The following AGBL1 variants were observed in gnomAD, a reference collection of about 807,000 sequenced individuals.
AGBL1 encodes cytosolic carboxypeptidase 4.
Under a neutral mutation model 118.9 loss-of-function variants are expected in AGBL1, and 130 were observed. The observed-to-expected ratio is 1.09, with a 90% CI of 0.95 to 1.26. The LOEUF (loss-of-function observed/expected upper bound fraction) is 1.26, where lower values mean the gene tolerates loss of function less well. AGBL1 is among the 50% of genes most tolerant of loss of function. AGBL1 has a pLI of 0.00. For missense variants in AGBL1, 1,584 were observed against 1,298.1 expected, an observed-to-expected ratio of 1.22 and a Z score of -3.38; for synonymous variants, 555 against 478.9, an observed-to-expected ratio of 1.16 and a Z score of -2.08.
At chr15:86,257,836 G>A (rs1459470043) in intron 8 of AGBL1, 128 bp from the exon 9 acceptor site, 12 of 824,690 alleles carry the variant, frequency 1.5e-5, no homozygotes, top group South Asian at 5.1e-5. Context: ...GTGGGATATT[G>A]TGCAATTAAT....
intron 19 of AGBL1, among the ~76,000 whole-genome samples, chr15:86,524,220 G>A (rs1170531743): frequency 6.6e-6 from 1 of 152,160 alleles, no homozygotes; most frequent in Non-Finnish European, 1.5e-5. Flanking sequence ...TTTCTACCCT[G>A]CAACATAGCC....
intron 21 of AGBL1, among the ~76,000 whole-genome samples, chr15:86,617,188 A>G (rs1389305022): frequency 6.6e-6 from 1 of 152,170 alleles, no homozygotes; most frequent in Non-Finnish European, 1.5e-5. Flanking sequence ...TACACAATTT[A>G]TTGACCCTTT....
chr15:86,101,631 CTT>C lies in AGBL1; in HGVS notation c.51+21622_51+21623del, dbSNP rs563450139. ...TTTATCATTGTGTAATGACATTTGT[CTT>C]TTTTTTTTTTTTTAGTTTTTGACTT... On this transcript the variant is annotated intron_variant, in intron 1 of 22. Coordinates refer to ENST00000614907, the MANE Select transcript of AGBL1 (RefSeq NM_001386094.1). Among the ~76,000 whole-genome samples the C allele has an allele frequency of 2.6e-3, 344 of 131,636 alleles. 15 individuals are homozygous for C. The South Asian group carries it at 0.077, about 30-fold the overall frequency. 86.4% of individuals were successfully genotyped at this position (131,636 alleles called of 152,430 possible).
At position 86,480,786 on chromosome 15, in the gene AGBL1, A is replaced by G. The variant is rs573769903; in HGVS notation, c.2556-42024A>G. 2.8e-3 allele frequency among the ~76,000 whole-genome samples: 420 copies of G among 152,126 alleles called. 3 individuals are homozygous for G. The highest frequency in any genetic ancestry group is 9.7e-3 in the African/African-American group (403 of 41,534). ...CTCTGAGGCTAGGCAGGATTTTAAGAGATGGAGATTATAAGGCCATAGGAA... is the reference window on the plus strand; with the variant it reads ...CTCTGAGGCTAGGCAGGATTTTAAGGGATGGAGATTATAAGGCCATAGGAA... On this transcript the variant is annotated intron_variant, in intron 18 of 22. Coordinates refer to ENST00000614907, the MANE Select transcript of AGBL1 (RefSeq NM_001386094.1).
At chr15:86,459,968 A>G (rs896423942) in intron 18 of AGBL1, among the ~76,000 whole-genome samples, 3 of 152,122 alleles carry the variant, frequency 2.0e-5, no homozygotes, top group African/African-American at 7.2e-5. Flanking sequence ...TTTAGGATCA[A>G]GGCTTGAGCA....
Position 86,356,909 on chromosome 15 carries a change from A to G in AGBL1, c.2375-40457A>G, listed in dbSNP as rs567111212. ...TGTCCAACATTACACAGTAAGCAAC[A>G]TACGTACCAATTGATGCAAATACTC... On this transcript the variant is annotated intron_variant, in intron 17 of 22. Transcript: ENST00000614907. Among the ~76,000 whole-genome samples the G allele has an allele frequency of 6.7e-4, 102 of 152,362 alleles. 2 individuals carry two copies. The South Asian group carries it at 0.019, about 29-fold the overall frequency.
chr15:86,554,472 A>T lies in AGBL1; in HGVS notation c.2929A>T (p.Met977Leu). 3 of 1,587,368 alleles carry T rather than the reference A, an allele frequency of 1.9e-6. No individual in the cohort carries two copies. Among genetic ancestry groups the T allele is most frequent in the Non-Finnish European group, 2.6e-6 (3 of 1,167,252 alleles). Residue 977 changes from methionine (M) to leucine (L), a missense_variant, in exon 21 of 23, where the codon ATG becomes TTG. Met to Leu is a conservative substitution (Grantham distance 15). Transcript: ENST00000614907. ...GGCCCGGGTGGTGGTGTGGAGAGAG[A>T]TGGGGGTGTCCAGAAGCTACACCAT... ...STARVVVWRE[M>L]GVSRSYTMES... is the part of the protein sequence containing the mutation.
At chr15:86,364,958 C>CACATATAT (rs1474501613) in intron 17 of AGBL1, among the ~76,000 whole-genome samples, 3 of 76,156 alleles carry the variant, frequency 3.9e-5, no homozygotes, top group East Asian at 5.0e-4. Context: ...ATATGTCACA[C>CACATATAT]ATATATATAT....
chr15:86,390,772 C>T (rs1398704872), intron 17 of AGBL1, among the ~76,000 whole-genome samples: 2 of 139,378 alleles, frequency 1.4e-5, no homozygotes, highest in African/African-American at 5.4e-5. Context: ...TGAGTTCTAG[C>T]GATTCTCCTG....
At chr15:86,369,569 A>G (rs946216466) in intron 17 of AGBL1, among the ~76,000 whole-genome samples, 2 of 152,162 alleles carry the variant, frequency 1.3e-5, no homozygotes, top group African/African-American at 2.4e-5. Flanking sequence ...TGTGTATGTA[A>G]CCAGTAATAC....
At chr15:86,652,653 G>A (rs1440453013) in intron 21 of AGBL1, among the ~76,000 whole-genome samples, 2 of 152,104 alleles carry the variant, frequency 1.3e-5, no homozygotes, top group Non-Finnish European at 2.9e-5. Flanking sequence ...ATTTGTTTCT[G>A]GAACCCTATT....
At chr15:86,429,861 A>G (rs2081913470) in intron 18 of AGBL1, among the ~76,000 whole-genome samples, 1 of 152,194 alleles carries the variant, frequency 6.6e-6, no homozygotes, top group Non-Finnish European at 1.5e-5. Flanking sequence ...ACAAATAACA[A>G]CAATGCATTG....
At chr15:86,376,076 T>G (rs2081037931) in intron 17 of AGBL1, among the ~76,000 whole-genome samples, 1 of 152,198 alleles carries the variant, frequency 6.6e-6, no homozygotes, top group Non-Finnish European at 1.5e-5. Flanking sequence ...AGCAGAATTA[T>G]GCTAGAGAGG....
chr15:86,149,713 A>T (rs2077081311), intron 3 of AGBL1, among the ~76,000 whole-genome samples: 2 of 152,346 alleles, frequency 1.3e-5, no homozygotes, highest in Admixed American at 6.5e-5. Context: ...TATTAGACAG[A>T]TCAATGAGAC....
chr15:86,339,784 T>G (rs2080433085), intron 17 of AGBL1, among the ~76,000 whole-genome samples: 1 of 152,032 alleles, frequency 6.6e-6, no homozygotes, highest in African/African-American at 2.4e-5. Flanking sequence ...CTGGCCAACA[T>G]GATGAAACCC....
At chr15:86,472,872 T>C (rs2082497422) in intron 18 of AGBL1, among the ~76,000 whole-genome samples, 1 of 152,158 alleles carries the variant, frequency 6.6e-6, no homozygotes, top group Non-Finnish European at 1.5e-5. Context: ...TGAGCCGAGA[T>C]TGCACCACTG....
intron 21 of AGBL1, among the ~76,000 whole-genome samples, chr15:86,628,222 G>A (rs1009583461): frequency 6.6e-5 from 10 of 152,142 alleles, no homozygotes; most frequent in Admixed American, 2.0e-4. Context: ...TGAAGCCCCC[G>A]CATTTCCATT....
chr15:86,653,866 A>G (rs2085418903), intron 21 of AGBL1, among the ~76,000 whole-genome samples: 3 of 152,092 alleles, frequency 2.0e-5, no homozygotes, highest in African/African-American at 7.2e-5. Context: ...ACAACACTCA[A>G]TCCTAGAGCT....
intron 5 of AGBL1, among the ~76,000 whole-genome samples, chr15:86,196,889 A>G (rs867068858): frequency 0.015 from 2,170 of 144,274 alleles, 87 homozygotes; most frequent in Admixed American, 0.075. Context: ...GCACACACAC[A>G]CACACACACA....
Sources: allele counts gnomAD v4.1 joint callset (sites outside exome capture counted in the v4.1 genomes callset), GRCh38; gene constraint gnomAD v4.1.1; transcripts MANE v1.5; gene names NCBI Gene and HGNC (gene_info 2026-07-23, HGNC 2026-07-21).